KLHL29: variants seen among roughly 807,000 people sequenced by gnomAD.
KLHL29 encodes the protein kelch like family member 29, also known as kelch-like protein 29.
Under a neutral mutation model 80.4 loss-of-function variants are expected in KLHL29, and 21 were observed. The ratio of observed to expected loss-of-function variants is 0.26; its 90% CI spans 0.19 to 0.38. KLHL29 has a LOEUF of 0.38. KLHL29 is among the 10% of genes least tolerant of loss of function. The pLI, the probability that KLHL29 is intolerant of heterozygous loss-of-function variation, is 1.00. For missense variants in KLHL29, 867 were observed against 1,223.9 expected, an observed-to-expected ratio of 0.71 and a Z score of 4.35; for synonymous variants, 511 against 526.8, an observed-to-expected ratio of 0.97 and a Z score of 0.41.
chr2:23,678,377 G>T (rs113236579), intron 5 of KLHL29, among the ~76,000 whole-genome samples: 3,167 of 152,316 alleles, frequency 0.021, 62 homozygotes, highest in African/African-American at 0.041. Context: ...CTGAATGGGA[G>T]CTATGGCCTC....
At chr2:23,524,455 G>A (rs1666228579) in intron 2 of KLHL29, 1 of 167,508 alleles carries the variant, frequency 6.0e-6, no homozygotes, top group Admixed American at 5.8e-5. Context: ...GGATGTTCAT[G>A]GCTCACGGGT....
intron 3 of KLHL29, among the ~76,000 whole-genome samples, chr2:23,615,087 T>C (rs143482709): frequency 0.013 from 1,950 of 152,294 alleles, 23 homozygotes; most frequent in Non-Finnish European, 0.022. Context: ...TTCTTCCACG[T>C]CCTATCCAGT....
At chr2:23,390,201 A>T (rs1666283015) in intron 1 of KLHL29, among the ~76,000 whole-genome samples, 1 of 152,216 alleles carries the variant, frequency 6.6e-6, no homozygotes, top group Non-Finnish European at 1.5e-5. Flanking sequence ...GTTCTTTGTG[A>T]AATCAATTTT....
rs1014584349 is a variant in KLHL29, at chr2:23,466,282, C to G, written c.-153-9278C>G. On this transcript the variant is annotated intron_variant, in intron 1 of 13. Coordinates refer to ENST00000486442, the MANE Select transcript of KLHL29 (RefSeq NM_052920.2). ...AACCACATCAACTTCTAAATTTTCTCAATGGAGTGCAATGTGTGTAATGTG... is the reference window on the plus strand; with the variant it reads ...AACCACATCAACTTCTAAATTTTCTGAATGGAGTGCAATGTGTGTAATGTG... Among the ~76,000 whole-genome samples the G allele has an allele frequency of 2.6e-5, 4 of 152,082 alleles. No individual in the cohort carries two copies. The South Asian group carries it at 8.3e-4, about 31-fold the overall frequency.
intron 2 of KLHL29, among the ~76,000 whole-genome samples, chr2:23,525,726 G>GCCCC (rs746729913): frequency 3.4e-4 from 21 of 62,590 alleles, no homozygotes; most frequent in East Asian, 1.0e-3. Context: ...CCCAGCCCCT[G>GCCCC]CCCCCCCCCC....
At chr2:23,468,761 A>G (rs1335752477) in intron 1 of KLHL29, among the ~76,000 whole-genome samples, 1 of 152,216 alleles carries the variant, frequency 6.6e-6, no homozygotes, top group Non-Finnish European at 1.5e-5. Flanking sequence ...GCTCCCCTGA[A>G]GAACCGGGCC....
At chr2:23,574,983 G>A (rs192596368) in intron 3 of KLHL29, among the ~76,000 whole-genome samples, 57 of 152,260 alleles carry the variant, frequency 3.7e-4, no homozygotes, top group Non-Finnish European at 6.6e-4. Flanking sequence ...CCCAGGGAAG[G>A]TTCCTGGGAA....
intron 1 of KLHL29, among the ~76,000 whole-genome samples, chr2:23,391,449 C>T (rs771815157): frequency 3.3e-5 from 5 of 152,140 alleles, no homozygotes; most frequent in East Asian, 1.9e-4. Context: ...TGTTTTGAGA[C>T]GGGGTTTTGA....
At chr2:23,397,163 G>A (rs1433475735) in intron 1 of KLHL29, among the ~76,000 whole-genome samples, 2 of 152,168 alleles carry the variant, frequency 1.3e-5, no homozygotes, top group East Asian at 1.9e-4. Context: ...CTCGTCAGGA[G>A]AGCAGCTCCT....
rs528274921 is a variant in KLHL29, at chr2:23,573,737, C to T, written c.285+11256C>T. Among the ~76,000 whole-genome samples, 7 of 152,326 alleles carry T rather than the reference C, an allele frequency of 4.6e-5. No individual in the cohort carries two copies. In the South Asian group the frequency reaches 6.2e-4, roughly 14 times the overall value. On this transcript the variant is annotated intron_variant, in intron 3 of 13. Transcript: ENST00000486442. Reference sequence around the variant, plus strand: ...TTCATTTTTTGTCTGATCAGGCGACCGTTTTTCCTTAACAGCCAGGTGGGG... The same window carrying T: ...TTCATTTTTTGTCTGATCAGGCGACTGTTTTTCCTTAACAGCCAGGTGGGG...
In KLHL29 at chr2:23,596,203, T is replaced by C. The variant is rs1394053715; in HGVS notation, c.285+33722T>C. On this transcript the variant is annotated intron_variant, in intron 3 of 13. Coordinates refer to ENST00000486442, the MANE Select transcript of KLHL29 (RefSeq NM_052920.2). This position sits in a 1 kb window ranked among gnomAD's most constrained non-coding sequence, Gnocchi z 4.4. ...GGGGCGGGGCAGGGCAACAGCCTTG[T>C]ACCCTGCTGCCATCTGCTTTGACCC... Among the ~76,000 whole-genome samples, 3 of 152,226 alleles carry C rather than the reference T, an allele frequency of 2.0e-5. No homozygotes were observed. The highest frequency in any genetic ancestry group is 7.2e-5 in the African/African-American group (3 of 41,468).
chr2:23,434,046 G>T (rs1392605024), intron 1 of KLHL29, among the ~76,000 whole-genome samples: 2 of 151,840 alleles, frequency 1.3e-5, no homozygotes, highest in Non-Finnish European at 2.9e-5. Flanking sequence ...CTCCGGCCGG[G>T]CGCGGTGGCT....
chr2:23,659,083 G>A (rs566437744), intron 5 of KLHL29, among the ~76,000 whole-genome samples: 2 of 152,136 alleles, frequency 1.3e-5, no homozygotes. Context: ...GCTGCTGACC[G>A]ATTTAGCAAC....
chr2:23,572,555 A>G (rs1161415783), intron 3 of KLHL29, among the ~76,000 whole-genome samples: 1 of 152,242 alleles, frequency 6.6e-6, no homozygotes, highest in Non-Finnish European at 1.5e-5. Flanking sequence ...GTTTGAGGAC[A>G]GAATGAATGG....
At chr2:23,628,142 C>T (rs1344296801) in intron 3 of KLHL29, among the ~76,000 whole-genome samples, 2 of 152,050 alleles carry the variant, frequency 1.3e-5, no homozygotes, top group East Asian at 1.9e-4. Flanking sequence ...GAACTCCTGA[C>T]CTCGTGATCC....
intron 2 of KLHL29, chr2:23,532,508 A>G: frequency 2.2e-6 from 1 of 452,652 alleles, no homozygotes; most frequent in Non-Finnish European, 4.4e-6. Flanking sequence ...GCTTTGTGGG[A>G]TGTGCATCGC....
Position 23,693,509 on chromosome 2 carries a change from A to G in KLHL29, c.1523A>G (p.Asp508Gly). ...YETVIKWIKKDPATRTQYAAE... is the reference protein window; with the variant it reads ...YETVIKWIKKGPATRTQYAAE... ...ACAGTCATCAAGTGGATCAAGAAGGACCCCGCGACACGCACACAGGTGGGG... is the reference window on the plus strand; with the variant it reads ...ACAGTCATCAAGTGGATCAAGAAGGGCCCCGCGACACGCACACAGGTGGGG... Residue 508 changes from aspartate (D) to glycine (G), a missense_variant, in exon 8 of 14, where the codon GAC becomes GGC. By Grantham distance (94) the Asp-to-Gly change is moderately conservative (BLOSUM62 -1). Transcript: ENST00000486442. The G allele has an allele frequency of 6.5e-7, 1 of 1,550,100 alleles. No homozygotes were observed. Among genetic ancestry groups the G allele is most frequent in the Non-Finnish European group, 8.7e-7 (1 of 1,145,954 alleles).
At position 23,684,225 on chromosome 2, in the gene KLHL29, G is replaced by T. The variant is rs1671173532; in HGVS notation, c.941-174G>T. ...CCCCTCCCAGTGGCTGCTTGTTTAT[G>T]CATTATGTTTGTGACTTCTTTTGAC... On this transcript the variant is annotated intron_variant, in intron 5 of 13. Transcript: ENST00000486442. This position sits in a 1 kb window ranked among gnomAD's most constrained non-coding sequence, Gnocchi z 4.4. Among the ~76,000 whole-genome samples, 1 of 151,732 alleles carries T rather than the reference G, an allele frequency of 6.6e-6. No individual in the cohort carries two copies. Among genetic ancestry groups the T allele is most frequent in the Non-Finnish European group, 1.5e-5 (1 of 67,970 alleles).
chr2:23,441,958 C>G (rs1663538303), intron 1 of KLHL29, among the ~76,000 whole-genome samples: 1 of 152,114 alleles, frequency 6.6e-6, no homozygotes, highest in Admixed American at 6.6e-5. Context: ...CCAAAGATGT[C>G]CATGTCCTAA....
Sources: allele counts gnomAD v4.1 joint callset (sites outside exome capture counted in the v4.1 genomes callset), GRCh38; gene constraint gnomAD v4.1.1; non-coding constraint Gnocchi (gnomAD v3.1); transcripts MANE v1.5; gene names NCBI Gene and HGNC (gene_info 2026-07-23, HGNC 2026-07-21).